The following OPCML variants were observed in gnomAD, a reference collection of about 807,000 sequenced individuals.
OPCML encodes opioid-binding protein/cell adhesion molecule.
In OPCML, 13 loss-of-function variants were observed where a neutral mutation model predicts 37.8. The observed-to-expected ratio is 0.34, with a 90% CI of 0.22 to 0.55. The LOEUF is 0.55. OPCML is among the 20% of genes least tolerant of loss of function. The pLI is 0.91. For synonymous variants in OPCML, 176 were observed against 168.8 expected (o/e 1.04, Z -0.33); for missense variants, 341 against 435.6 (o/e 0.78, Z 1.93).
intron 4 of OPCML, among the ~76,000 whole-genome samples, chr11:132,439,926 T>G (rs1375092098): frequency 6.6e-6 from 1 of 152,186 alleles, no homozygotes; most frequent in Non-Finnish European, 1.5e-5. Context: ...ACCCAGATCA[T>G]GCTGCTTGGT....
At chr11:133,055,703 C>T (rs1007088286) in intron 1 of OPCML, among the ~76,000 whole-genome samples, 5 of 136,696 alleles carry the variant, frequency 3.7e-5, no homozygotes, top group East Asian at 2.4e-4. Flanking sequence ...GTGGTGAGAC[C>T]CCATGAGGGA....
intron 3 of OPCML, among the ~76,000 whole-genome samples, chr11:132,583,693 T>G (rs2096466652): frequency 6.6e-6 from 1 of 152,102 alleles, no homozygotes; most frequent in African/African-American, 2.4e-5. Flanking sequence ...CTCAGCTCAC[T>G]GCAACCTCCT....
intron 4 of OPCML, among the ~76,000 whole-genome samples, chr11:132,444,911 A>C (rs2136802845): frequency 6.6e-6 from 1 of 152,268 alleles, no homozygotes; most frequent in Admixed American, 6.5e-5. Context: ...AGTGTGATAA[A>C]CCCACTGTTT....
intron 3 of OPCML, among the ~76,000 whole-genome samples, chr11:132,558,308 TCTCCCCCTCCTCC>T (rs2096400986): frequency 2.1e-5 from 1 of 47,830 alleles, no homozygotes; most frequent in African/African-American, 1.1e-4. Flanking sequence ...CCCCTCCTCC[TCTCCCCCTCCTCC>T]CCTCTCCCCC....
chr11:133,070,502 G>A (rs913456862), intron 1 of OPCML, among the ~76,000 whole-genome samples: 3 of 152,126 alleles, frequency 2.0e-5, no homozygotes, highest in Non-Finnish European at 4.4e-5. Context: ...CCAGAGGCGG[G>A]CCCACAATTC....
intron 2 of OPCML, among the ~76,000 whole-genome samples, chr11:132,790,942 T>A (rs1278667087): frequency 6.6e-6 from 1 of 152,234 alleles, no homozygotes; most frequent in Non-Finnish European, 1.5e-5. Flanking sequence ...CCTATAGTCA[T>A]AGCTCTAGAA....
intron 1 of OPCML, among the ~76,000 whole-genome samples, chr11:133,380,611 C>T (rs193186421): frequency 8.6e-4 from 131 of 152,176 alleles, no homozygotes; most frequent in Non-Finnish European, 1.6e-3. Flanking sequence ...TAATTGATAT[C>T]TTAGCTAAAC....
At chr11:132,909,343 A>G (rs1380079597) in intron 2 of OPCML, among the ~76,000 whole-genome samples, 1 of 152,236 alleles carries the variant, frequency 6.6e-6, no homozygotes, top group Non-Finnish European at 1.5e-5. Context: ...TTTGGGTCCA[A>G]AAATAGAAGT....
intron 2 of OPCML, among the ~76,000 whole-genome samples, chr11:132,712,312 A>G (rs1291776436): frequency 2.0e-5 from 3 of 146,430 alleles, no homozygotes; most frequent in East Asian, 4.1e-4. Context: ...CCTCCCCCAC[A>G]TCCTCCTCCC....
At chr11:132,611,076 C>A (rs61906403) in intron 3 of OPCML, among the ~76,000 whole-genome samples, 1 of 151,936 alleles carries the variant, frequency 6.6e-6, no homozygotes, top group Non-Finnish European at 1.5e-5. Flanking sequence ...TTAGGAGAAC[C>A]CCATGACATT....
chr11:133,118,465 G>A (rs1185042216), intron 1 of OPCML: 4 of 966,316 alleles, frequency 4.1e-6, no homozygotes, highest in Non-Finnish European at 4.9e-6. Context: ...AAACTGGAAA[G>A]GAGACTGAAT....
intron 1 of OPCML, among the ~76,000 whole-genome samples, chr11:133,432,718 G>A (rs752625257): frequency 2.6e-5 from 4 of 151,924 alleles, no homozygotes; most frequent in Admixed American, 6.6e-5. Context: ...CCATTTTTTT[G>A]TTTCTTTATT....
At chr11:132,949,318 T>C (rs1300832545) in intron 1 of OPCML, among the ~76,000 whole-genome samples, 1 of 152,244 alleles carries the variant, frequency 6.6e-6, no homozygotes, top group Non-Finnish European at 1.5e-5. Context: ...TGTCTGGTGA[T>C]GGAACGTAGC....
At chr11:133,321,872 T>C (rs1943337956) in intron 1 of OPCML, among the ~76,000 whole-genome samples, 1 of 151,910 alleles carries the variant, frequency 6.6e-6, no homozygotes, top group South Asian at 2.1e-4. Context: ...TAGGCATGAG[T>C]GTTCATGATC....
rs530672063 is a variant in OPCML, at chr11:133,411,608, C to T, written c.61+120656G>A. Among the ~76,000 whole-genome samples the T allele has an allele frequency of 7.2e-5, 11 of 152,292 alleles. No individual in the cohort carries two copies. In the East Asian group the frequency reaches 2.1e-3, roughly 29 times the overall value. On this transcript the variant is annotated intron_variant, in intron 1 of 7. Coordinates refer to ENST00000524381, the MANE Select transcript of OPCML (RefSeq NM_001012393.5). ...TTAGAAGCAGTCTTCATGGCTTTCTCAGCTGCAGCTTCAAGTGCTCCCAGG... is the reference window on the plus strand; with the variant it reads ...TTAGAAGCAGTCTTCATGGCTTTCTTAGCTGCAGCTTCAAGTGCTCCCAGG...
chr11:132,570,550 A>G (rs1365938139), intron 3 of OPCML, among the ~76,000 whole-genome samples: 1 of 151,880 alleles, frequency 6.6e-6, no homozygotes, highest in Non-Finnish European at 1.5e-5. Context: ...AAATAATGGG[A>G]ATAAAATGCA....
intron 1 of OPCML, among the ~76,000 whole-genome samples, chr11:133,015,419 GGAAGGAAGGAAT>G (rs1484278327): frequency 0.013 from 1,162 of 88,474 alleles, 27 homozygotes; most frequent in African/African-American, 0.02. Context: ...AAGGAAGGAA[GGAAGGAAGGAAT>G]GAAGGAAGGA....
At chr11:133,476,451 T>G (rs571664403) in intron 1 of OPCML, among the ~76,000 whole-genome samples, 2 of 152,166 alleles carry the variant, frequency 1.3e-5, no homozygotes, top group East Asian at 3.9e-4. Flanking sequence ...TCAGTGAAAA[T>G]GGGCTCAATT....
At chr11:133,106,017 G>A (rs1949152563) in intron 1 of OPCML, among the ~76,000 whole-genome samples, 2 of 151,374 alleles carry the variant, frequency 1.3e-5, no homozygotes, top group African/African-American at 4.9e-5. Context: ...GAATACTTTT[G>A]TAGAAAATCA....
Sources: gnomAD v4.1 joint callset for allele counts (sites outside exome capture counted in the v4.1 genomes callset) on GRCh38, gnomAD v4.1.1 for gene constraint, MANE v1.5 for transcripts, NCBI Gene and HGNC (gene_info 2026-07-23, HGNC 2026-07-21) for gene names.